FRMPD4: variants seen among roughly 807,000 people sequenced by gnomAD.
The protein encoded by FRMPD4 is FERM and PDZ domain-containing protein 4.
A neutral mutation model predicts 94.1 loss-of-function variants in FRMPD4; 22 were observed. The ratio of observed to expected loss-of-function variants is 0.23; its 90% CI spans 0.17 to 0.33. The LOEUF is 0.33. Ranked by LOEUF, FRMPD4 falls within the 10% of genes least tolerant of loss-of-function variation. FRMPD4 has a pLI of 1.00. For missense variants in FRMPD4, 1,111 were observed against 1,339.9 expected (o/e 0.83, Z 2.67); for synonymous variants, 631 against 548.6 (o/e 1.15, Z -2.10).
intron 1 of FRMPD4, among the ~76,000 whole-genome samples, chrX:12,309,526 C>T (rs1390147061): frequency 1.8e-5 from 2 of 111,585 alleles, no homozygotes; most frequent in Non-Finnish European, 3.8e-5. Flanking sequence ...ATCATTTGGT[C>T]GTTTACTAAG....
intron 3 of FRMPD4, among the ~76,000 whole-genome samples, chrX:12,111,933 A>C: frequency 9.0e-6 from 1 of 111,412 alleles, no homozygotes; most frequent in African/African-American, 3.3e-5. Context: ...GCTGGAGAGG[A>C]TGTGGAGAAA....
intron 1 of FRMPD4, among the ~76,000 whole-genome samples, chrX:12,275,573 A>G (rs113049119): frequency 7.3e-5 from 8 of 108,925 alleles, no homozygotes; most frequent in South Asian, 4.0e-4. Context: ...GTGACATTCG[A>G]AGGTGTGTGG....
At chrX:12,079,222 T>C (rs17327941) in intron 3 of FRMPD4, among the ~76,000 whole-genome samples, 7,809 of 110,266 alleles carry the variant, frequency 0.071, 278 homozygotes, top group East Asian at 0.24. Flanking sequence ...AGAATAATGG[T>C]ATTGTAGCAC....
chrX:11,874,538 G>T (rs943378332), intron 2 of FRMPD4, among the ~76,000 whole-genome samples: 1 of 112,329 alleles, frequency 8.9e-6, no homozygotes, highest in Non-Finnish European at 1.9e-5. Flanking sequence ...ATGTGCATAG[G>T]TTGTATGCAA....
intron 1 of FRMPD4, among the ~76,000 whole-genome samples, chrX:12,431,271 C>T (rs1027492029): frequency 9.8e-5 from 11 of 112,228 alleles, no homozygotes; most frequent in African/African-American, 3.2e-4. Flanking sequence ...ATCTATGGAT[C>T]GTGAGACCAG....
chrX:12,345,916 T>C (rs1005361258), intron 1 of FRMPD4, among the ~76,000 whole-genome samples: 1 of 111,678 alleles, frequency 9.0e-6, no homozygotes, highest in African/African-American at 3.3e-5. Context: ...GAACAAGAAA[T>C]CTGTCATGAA....
intron 2 of FRMPD4, among the ~76,000 whole-genome samples, chrX:12,501,127 G>A (rs16998948): frequency 0.036 from 3,995 of 112,050 alleles, 194 homozygotes; most frequent in African/African-American, 0.12. Context: ...CATTAGCATC[G>A]CTGACATTTT....
intron 2 of FRMPD4, among the ~76,000 whole-genome samples, chrX:12,596,983 A>G (rs950519577): frequency 7.2e-5 from 8 of 111,812 alleles, no homozygotes; most frequent in Admixed American, 9.5e-5. Context: ...ATAAGTCTCA[A>G]TCTAAGCTTC....
Position 11,933,879 on chromosome X carries a change from C to A in FRMPD4, c.95+55861C>A, listed in dbSNP as rs186675123. The stretch of plus-strand genomic sequence containing the variant: ...GTGCTAAGTATGCAATAACCTTGTT[C>A]CCTCGTTTATGTTTGCCTCTGTGCT... On this transcript the variant is annotated intron_variant, in intron 3 of 18. Coordinates refer to the FRMPD4 transcript ENST00000640291. Among the ~76,000 whole-genome samples, 7 of 111,726 alleles carry A rather than the reference C, an allele frequency of 6.3e-5. No homozygotes were observed. In the East Asian group the frequency reaches 2.0e-3, roughly 31 times the overall value.
At chrX:12,012,857 G>A (rs772895477) in intron 3 of FRMPD4, among the ~76,000 whole-genome samples, 2 of 112,399 alleles carry the variant, frequency 1.8e-5, no homozygotes, top group African/African-American at 6.5e-5. Flanking sequence ...GACAATGAAG[G>A]ATGGGAAAGG....
chrX:11,930,410 C>T lies in FRMPD4; in HGVS notation c.95+52392C>T, dbSNP rs142301804. Among the ~76,000 whole-genome samples the T allele has an allele frequency of 5.5e-3, 612 of 110,950 alleles. 1 individual carries two copies. The highest frequency in any genetic ancestry group is 0.037 in the Middle Eastern group (8 of 217). ...TCTTGAATTGAGTGGGCTCTAAATC[C>T]AGTGACATGTGCCCTTATAAGAGGA... On this transcript the variant is annotated intron_variant, in intron 3 of 18. Transcript: ENST00000640291.
intron 3 of FRMPD4, among the ~76,000 whole-genome samples, chrX:12,002,369 T>C (rs961706712): frequency 2.7e-5 from 3 of 111,858 alleles, no homozygotes; most frequent in African/African-American, 9.8e-5. Context: ...AGGTCAGCAG[T>C]TGCAGAAATG....
intron 3 of FRMPD4, among the ~76,000 whole-genome samples, chrX:11,988,700 C>A (rs1169590932): frequency 9.0e-6 from 1 of 111,315 alleles, no homozygotes; most frequent in Non-Finnish European, 1.9e-5. Context: ...TGCAAACTAC[C>A]CATCTGACAA....
intron 1 of FRMPD4, among the ~76,000 whole-genome samples, chrX:12,420,524 T>G (rs1297537587): frequency 8.9e-6 from 1 of 112,072 alleles, no homozygotes; most frequent in Non-Finnish European, 1.9e-5. Flanking sequence ...CATTCTGTGC[T>G]GGCTCCAAGG....
chrX:12,127,343 G>T (rs750400498), intron 3 of FRMPD4, among the ~76,000 whole-genome samples: 3 of 111,710 alleles, frequency 2.7e-5, no homozygotes, highest in African/African-American at 9.8e-5. Flanking sequence ...AATCATGGCA[G>T]AAGGGGGAAG....
intron 1 of FRMPD4, among the ~76,000 whole-genome samples, chrX:12,335,885 CA>C (rs2055512227): frequency 8.9e-6 from 1 of 112,201 alleles, no homozygotes; most frequent in Non-Finnish European, 1.9e-5. Context: ...TTGACAATAT[CA>C]TTTATTTCGC....
Position 12,242,192 on chromosome X carries a change from T to C in FRMPD4, c.41+103180T>C, listed in dbSNP as rs372760959. On this transcript the variant is annotated intron_variant, in intron 1 of 16. Coordinates refer to ENST00000675598, the MANE Select transcript of FRMPD4 (RefSeq NM_001368397.1). ...TCAGCTTGTAATTAAGAAGATTCAG[T>C]GTATGGGCCCACATGACTAACCAAT... Among the ~76,000 whole-genome samples the C allele has an allele frequency of 1.1e-4, 12 of 111,597 alleles. No individual in the cohort carries two copies. In the East Asian group the frequency reaches 2.8e-3, roughly 26 times the overall value.
At chrX:12,188,779 A>G (rs895313913) in intron 1 of FRMPD4, among the ~76,000 whole-genome samples, 3 of 111,767 alleles carry the variant, frequency 2.7e-5, no homozygotes, top group African/African-American at 6.5e-5. Flanking sequence ...CAAAATCATC[A>G]TGAACAAGTA....
At chrX:12,281,674 C>A (rs1457960037) in intron 1 of FRMPD4, among the ~76,000 whole-genome samples, 2 of 111,588 alleles carry the variant, frequency 1.8e-5, no homozygotes, top group Non-Finnish European at 3.8e-5. Flanking sequence ...TGTGCCTTGG[C>A]CTTAAAAAAT....
Sources: allele counts gnomAD v4.1 joint callset (sites outside exome capture counted in the v4.1 genomes callset), GRCh38; gene constraint gnomAD v4.1.1; transcripts MANE v1.5; gene names NCBI Gene and HGNC (gene_info 2026-07-23, HGNC 2026-07-21).